TTC7B: variants seen among roughly 807,000 people sequenced by gnomAD.
TTC7B encodes tetratricopeptide repeat domain 7B.
A neutral mutation model predicts 106.8 loss-of-function variants in TTC7B; 28 were observed. The ratio of observed to expected loss-of-function variants is 0.26; its 90% CI spans 0.19 to 0.36. TTC7B has a LOEUF of 0.36. Among genes scored for constraint, TTC7B ranks in the 10% least tolerant of loss-of-function variants. The pLI is 1.00. For synonymous variants in TTC7B, 405 were observed against 430.6 expected, an observed-to-expected ratio of 0.94 and a Z score of 0.74; for missense variants, 862 against 1,076.4, an observed-to-expected ratio of 0.80 and a Z score of 2.79.
At chr14:90,654,933 G>T in intron 12 of TTC7B, 60 bp downstream of exon 12, 1 of 1,307,526 alleles carries the variant, frequency 7.6e-7, no homozygotes, top group South Asian at 1.2e-5. Context: ...AATCCCGCAG[G>T]GTAGACTTAG....
At chr14:90,746,340 TTTGAG>T (rs1184010675) in intron 3 of TTC7B, among the ~76,000 whole-genome samples, 1 of 152,224 alleles carries the variant, frequency 6.6e-6, no homozygotes, top group Non-Finnish European at 1.5e-5. Context: ...GTCCATTTCT[TTTGAG>T]TTGTCAAATT....
At chr14:90,672,320 TACTC>T (rs931754694) in intron 9 of TTC7B, among the ~76,000 whole-genome samples, 3 of 152,206 alleles carry the variant, frequency 2.0e-5, no homozygotes, top group African/African-American at 7.2e-5. Flanking sequence ...AAAGAGGACT[TACTC>T]ACACACGAGC....
At chr14:90,660,633 T>G (rs1886165372) in intron 9 of TTC7B, among the ~76,000 whole-genome samples, 1 of 151,886 alleles carries the variant, frequency 6.6e-6, no homozygotes, top group Admixed American at 6.6e-5. Flanking sequence ...AATGATGGGA[T>G]GTTCAGGATT....
intron 19 of TTC7B, among the ~76,000 whole-genome samples, chr14:90,557,243 G>C (rs1890353190): frequency 6.6e-6 from 1 of 152,138 alleles, no homozygotes; most frequent in East Asian, 1.9e-4. Flanking sequence ...GCAAAGGCCT[G>C]TCCCCAGTTA....
In TTC7B at chr14:90,695,572, C is replaced by A; in HGVS notation, c.705G>T (p.Leu235Phe). The A allele has an allele frequency of 1.9e-6, 3 of 1,597,210 alleles. No individual in the cohort carries two copies. The highest frequency in any genetic ancestry group is 1.1e-5 in the South Asian group (1 of 88,388). Residue 235 changes from leucine to phenylalanine, a missense_variant, in exon 6 of 20, where the codon TTG becomes TTT. Coordinates refer to ENST00000328459, the MANE Select transcript of TTC7B (RefSeq NM_001010854.2). ...AHVLYFKNGN[L>F]TRGVGRFREL... ...CTCTAAATCTTCCGACTCCTCTTGT[C>A]AAGTTCCTGTGTGGACACAGAATTT...
intron 19 of TTC7B, among the ~76,000 whole-genome samples, chr14:90,573,804 G>A (rs1891147458): frequency 6.6e-6 from 1 of 152,212 alleles, no homozygotes; most frequent in African/African-American, 2.4e-5. Context: ...AAAGGGACTG[G>A]AGGCGGACCC....
At chr14:90,666,185 G>C (rs1886401607) in intron 9 of TTC7B, among the ~76,000 whole-genome samples, 1 of 152,196 alleles carries the variant, frequency 6.6e-6, no homozygotes, top group Admixed American at 6.5e-5. Context: ...TTGTTAGATA[G>C]AGTTTTGCTC....
At chr14:90,666,084 C>T (rs1268049961) in intron 9 of TTC7B, among the ~76,000 whole-genome samples, 9 of 152,208 alleles carry the variant, frequency 5.9e-5, no homozygotes, top group Non-Finnish European at 1.2e-4. Context: ...CAGGACCTCC[C>T]CAGGGCTGCA....
intron 16 of TTC7B, among the ~76,000 whole-genome samples, chr14:90,611,257 C>T (rs148008159): frequency 5.5e-4 from 83 of 152,276 alleles, no homozygotes; most frequent in African/African-American, 1.8e-3. Flanking sequence ...TCCACACCTG[C>T]GCTTCTAAAA....
rs1015118844 is a variant in TTC7B, at chr14:90,600,778, G to T, written c.1967-7152C>A. Among the ~76,000 whole-genome samples, 3 of 152,228 alleles carry T rather than the reference G, an allele frequency of 2.0e-5. No homozygotes were observed. Among genetic ancestry groups the T allele is most frequent in the Non-Finnish European group, 4.4e-5 (3 of 68,038 alleles). ...GAGGGAAGCCGTTCACACGCATGCA[G>T]GAAGGTGCCAGCTGTCAGAGCGAGC... is the stretch of plus-strand genomic sequence containing the variant. On this transcript the variant is annotated intron_variant, in intron 17 of 19. Coordinates refer to ENST00000328459, the MANE Select transcript of TTC7B (RefSeq NM_001010854.2). The surrounding 1 kb of genome is among the most constrained non-coding windows in gnomAD (Gnocchi z 4.3).
chr14:90,720,657 T>C (rs572829301), intron 5 of TTC7B, among the ~76,000 whole-genome samples: 1 of 152,270 alleles, frequency 6.6e-6, no homozygotes, highest in Admixed American at 6.5e-5. Flanking sequence ...GGCATGAATC[T>C]CCCGTTATGT....
chr14:90,794,877 T>C (rs1338019515), intron 1 of TTC7B, among the ~76,000 whole-genome samples: 5 of 152,098 alleles, frequency 3.3e-5, no homozygotes, highest in Admixed American at 1.3e-4. Context: ...AGAGGCTGCA[T>C]AGTTCAGTCC....
intron 7 of TTC7B, among the ~76,000 whole-genome samples, chr14:90,682,351 A>G (rs1033168383): frequency 6.6e-6 from 1 of 152,192 alleles, no homozygotes; most frequent in South Asian, 2.1e-4. Context: ...TACCCTCCCT[A>G]TTTGTGGCAG....
chr14:90,716,643 T>C (rs911689739), intron 5 of TTC7B, among the ~76,000 whole-genome samples: 3 of 152,226 alleles, frequency 2.0e-5, no homozygotes, highest in African/African-American at 4.8e-5. Context: ...CAAAATGTAC[T>C]TGAAAGCAGT....
intron 6 of TTC7B, among the ~76,000 whole-genome samples, chr14:90,689,954 T>C (rs1887405421): frequency 1.3e-5 from 2 of 152,220 alleles, no homozygotes; most frequent in South Asian, 2.1e-4. Context: ...CCACCCCACC[T>C]GTCACACTCT....
At position 90,733,604 on chromosome 14, in the gene TTC7B, T is replaced by G. The variant is rs183584932; in HGVS notation, c.577-3408A>C. 3.0e-3 allele frequency among the ~76,000 whole-genome samples: 454 copies of G among 152,288 alleles called. 1 individual carries two copies. The highest frequency in any genetic ancestry group is 0.01 in the African/African-American group (434 of 41,554). On this transcript the variant is annotated intron_variant, in intron 4 of 19. Transcript: ENST00000328459. ...GTTTGGCAGTGCTGAAGCCACCACT[T>G]GTTCTGTGGATAAACACTTCCAGCG...
chr14:90,599,813 A>G (rs1375279901), intron 17 of TTC7B, among the ~76,000 whole-genome samples: 1 of 152,234 alleles, frequency 6.6e-6, no homozygotes, highest in Non-Finnish European at 1.5e-5. Context: ...CTTATTCACA[A>G]TTAAAATAAT....
intron 9 of TTC7B, among the ~76,000 whole-genome samples, chr14:90,667,770 A>T (rs1405656527): frequency 6.6e-6 from 1 of 152,184 alleles, no homozygotes; most frequent in East Asian, 1.9e-4. Context: ...CAATATGACA[A>T]CTGTCTTCAA....
At chr14:90,804,331 CAA>C (rs1303813239) in intron 1 of TTC7B, among the ~76,000 whole-genome samples, 3 of 121,624 alleles carry the variant, frequency 2.5e-5, no homozygotes, top group Non-Finnish European at 3.5e-5. Flanking sequence ...GACTCCGTCT[CAA>C]AAAAAAAAAA....
Sources: allele counts gnomAD v4.1 joint callset (sites outside exome capture counted in the v4.1 genomes callset), GRCh38; gene constraint gnomAD v4.1.1; non-coding constraint Gnocchi (gnomAD v3.1); transcripts MANE v1.5; gene names NCBI Gene and HGNC (gene_info 2026-07-23, HGNC 2026-07-21).